The following FRMD6 variants were observed in gnomAD, a reference collection of about 807,000 sequenced individuals.
FRMD6 encodes FERM domain containing 6.
FRMD6 carries 37 observed loss-of-function variants against 73.2 expected under a neutral mutation model. The ratio of observed to expected loss-of-function variants is 0.51; its 90% CI spans 0.39 to 0.66. FRMD6 has a LOEUF of 0.66. Ranked by LOEUF, FRMD6 falls within the 30% of genes least tolerant of loss-of-function variation. The pLI is 0.00. For synonymous variants in FRMD6, 273 were observed against 282.2 expected (o/e 0.97, Z 0.33); for missense variants, 714 against 780.5 (o/e 0.91, Z 1.02).
chr14:51,633,764 T>C (rs1397374659), intron 2 of FRMD6, among the ~76,000 whole-genome samples: 4 of 152,134 alleles, frequency 2.6e-5, no homozygotes, highest in Non-Finnish European at 2.9e-5. Flanking sequence ...AAATATAAGT[T>C]CCTTAGAGTG....
intron 1 of FRMD6, among the ~76,000 whole-genome samples, chr14:51,527,758 G>T (rs1391275757): frequency 6.6e-6 from 1 of 152,228 alleles, no homozygotes; most frequent in African/African-American, 2.4e-5. Flanking sequence ...GCCAGATAAA[G>T]AGGGAAGGCT....
At position 51,682,365 on chromosome 14, in the gene FRMD6, G is replaced by GT. The variant is rs1306985510; in HGVS notation, c.-146-7315dup. On this transcript the variant is annotated intron_variant, in intron 1 of 13. Transcript: ENST00000344768. ...ACTTTAAAACTTAGAGCAGTTTTTTGTTTTTTTTTTTAAGTAAAGTAAATA... is the reference window on the plus strand; with the variant it reads ...ACTTTAAAACTTAGAGCAGTTTTTTGTTTTTTTTTTTTAAGTAAAGTAAATA... Among the ~76,000 whole-genome samples, 263 of 141,178 alleles carry GT rather than the reference G, an allele frequency of 1.9e-3. 1 individual carries two copies. Among genetic ancestry groups the GT allele is most frequent in the Middle Eastern group, 3.5e-3 (1 of 286 alleles). The allele number at this position is 141,178 out of a possible 152,430, so 92.6% of individuals were successfully genotyped here. A position where few individuals can be genotyped will look rare whatever the true frequency, so the allele number is the denominator to read the frequency against.
At chr14:51,601,448 T>C (rs1411910590) in intron 2 of FRMD6, among the ~76,000 whole-genome samples, 1 of 152,144 alleles carries the variant, frequency 6.6e-6, no homozygotes, top group Admixed American at 6.5e-5. Context: ...ACATCAACCC[T>C]CCATTGCCCT....
At chr14:51,631,981 C>A (rs1381373819) in intron 2 of FRMD6, among the ~76,000 whole-genome samples, 2 of 152,190 alleles carry the variant, frequency 1.3e-5, no homozygotes, top group African/African-American at 4.8e-5. Flanking sequence ...CCACCCAAAT[C>A]TCATCTTGAA....
the FRMD6 span, among the ~76,000 whole-genome samples, chr14:51,483,182 A>G: frequency 6.6e-6 from 1 of 152,226 alleles, no homozygotes; most frequent in Non-Finnish European, 1.5e-5. Flanking sequence ...TTTTGATTGA[A>G]GAATTCATTC....
Position 51,542,283 on chromosome 14 carries a change from C to CCTCATTCT in FRMD6, c.-209-28061_-209-28054dup, listed in dbSNP as rs576469986. Among the ~76,000 whole-genome samples, 208 of 152,176 alleles carry CCTCATTCT rather than the reference C, an allele frequency of 1.4e-3. 1 individual carries two copies. Among genetic ancestry groups the CCTCATTCT allele is most frequent in the African/African-American group, 4.5e-3 (186 of 41,552 alleles). The stretch of plus-strand genomic sequence containing the variant: ...ATCCTATACCCATTAAGCAGTCACT[C>CCTCATTCT]CTCATTCTCTCCTACCCGCAGTCTG... On this transcript the variant is annotated intron_variant, in intron 1 of 14. Coordinates refer to the FRMD6 transcript ENST00000356218.
At chr14:51,693,418 C>T (rs1895737859) in intron 2 of FRMD6, among the ~76,000 whole-genome samples, 1 of 152,098 alleles carries the variant, frequency 6.6e-6, no homozygotes, top group African/African-American at 2.4e-5. Flanking sequence ...GGTCATATAT[C>T]ACGATTAAGG....
Position 51,712,525 on chromosome 14 carries a change from A to G in FRMD6, c.823A>G (p.Thr275Ala), listed in dbSNP as rs759110643. The change falls in exon 9 of 14, where the codon ACA becomes GCA. Residue 275 changes from threonine (T) to alanine (A), a missense_variant. Physicochemically the swap from Thr to Ala is moderately conservative, Grantham distance 58. Coordinates refer to ENST00000344768, the MANE Select transcript of FRMD6 (RefSeq NM_001267046.2). ...ACAATTACTTTATGATTTCCCCTGG[A>G]CAAATGTTGGAAAATTGGTGTTTGT... ...EKQLLYDFPW[T>A]NVGKLVFVGK... 6.2e-7 allele frequency: 1 copy of G among 1,603,578 alleles called. No homozygotes were observed. Among genetic ancestry groups the G allele is most frequent in the Non-Finnish European group, 8.5e-7 (1 of 1,171,002 alleles).
At chr14:51,685,739 A>G (rs1895105550) in intron 1 of FRMD6, among the ~76,000 whole-genome samples, 1 of 152,164 alleles carries the variant, frequency 6.6e-6, no homozygotes, top group Non-Finnish European at 1.5e-5. Flanking sequence ...AATCGGGACA[A>G]TATTATCGTT....
chr14:51,434,833 G>T, the FRMD6 span, among the ~76,000 whole-genome samples: 1 of 152,142 alleles, frequency 6.6e-6, no homozygotes, highest in Non-Finnish European at 1.5e-5. Flanking sequence ...ACCTAATATT[G>T]TGTATTTCTT....
intron 1 of FRMD6, among the ~76,000 whole-genome samples, chr14:51,656,020 C>A (rs1246645612): frequency 1.3e-5 from 2 of 152,220 alleles, no homozygotes; most frequent in Non-Finnish European, 2.9e-5. Context: ...CTAATGTCTA[C>A]TTCCCATGCT....
intron 10 of FRMD6, among the ~76,000 whole-genome samples, chr14:51,718,844 G>C: frequency 6.6e-6 from 1 of 151,952 alleles, no homozygotes; most frequent in East Asian, 1.9e-4. Flanking sequence ...CCTAGAAGGC[G>C]CATCTTTTCT....
intron 1 of FRMD6, among the ~76,000 whole-genome samples, chr14:51,532,212 C>T (rs972350438): frequency 6.6e-6 from 1 of 151,716 alleles, no homozygotes; most frequent in African/African-American, 2.4e-5. Context: ...ACTAAAAATA[C>T]ACAAAAATTA....
chr14:51,409,164 T>C, the FRMD6 span, among the ~76,000 whole-genome samples: 4 of 151,854 alleles, frequency 2.6e-5, no homozygotes, highest in African/African-American at 9.7e-5. Context: ...TTCATGGGGG[T>C]CTCCTATTAG....
intron 1 of FRMD6, among the ~76,000 whole-genome samples, chr14:51,570,172 A>G (rs773997414): frequency 6.6e-6 from 1 of 152,154 alleles, no homozygotes; most frequent in Non-Finnish European, 1.5e-5. Flanking sequence ...TTGTTAGTCC[A>G]ATTGCATTTT....
the FRMD6 span, among the ~76,000 whole-genome samples, chr14:51,453,018 T>C: frequency 6.6e-6 from 1 of 152,040 alleles, no homozygotes; most frequent in Admixed American, 6.6e-5. Flanking sequence ...TTCAGTCTAA[T>C]CATCTGAGAA....
At chr14:51,687,116 GC>G (rs1236567476) in intron 1 of FRMD6, among the ~76,000 whole-genome samples, 3 of 152,076 alleles carry the variant, frequency 2.0e-5, no homozygotes, top group Non-Finnish European at 4.4e-5. Flanking sequence ...CATAAAATAA[GC>G]AAAAATTGTA....
At chr14:51,663,014 GA>G (rs1211460549) in intron 1 of FRMD6, among the ~76,000 whole-genome samples, 1 of 151,884 alleles carries the variant, frequency 6.6e-6, no homozygotes, top group Non-Finnish European at 1.5e-5. Context: ...ACAATCATAT[GA>G]AAAAAAAGCT....
At chr14:51,572,381 A>G (rs890536988) in intron 2 of FRMD6, among the ~76,000 whole-genome samples, 4 of 152,280 alleles carry the variant, frequency 2.6e-5, no homozygotes, top group Admixed American at 6.5e-5. Context: ...AATCTTTCAC[A>G]TAAATGCTAA....
Sources: allele counts gnomAD v4.1 joint callset (sites outside exome capture counted in the v4.1 genomes callset), GRCh38; gene constraint gnomAD v4.1.1; transcripts MANE v1.5; gene names NCBI Gene and HGNC (gene_info 2026-07-23, HGNC 2026-07-21).